PYY: variants seen among roughly 807,000 people sequenced by gnomAD.
PYY encodes the protein peptide YY.
PYY carries 12 observed loss-of-function variants against 10.3 expected under a neutral mutation model. The ratio of observed to expected loss-of-function variants is 1.17; its 90% CI spans 0.75 to 1.89. PYY has a LOEUF of 1.89. PYY is among the 40% of genes most tolerant of loss of function. The pLI is 0.00. For missense variants in PYY, 141 were observed against 134.0 expected (o/e 1.05, Z -0.26); for synonymous variants, 66 against 62.0 (o/e 1.06, Z -0.30).
rs886277442 is a variant in PYY, at chr17:43,990,883, TC to T, written c.-463+13507del. Among the ~76,000 whole-genome samples, 12 of 145,720 alleles carry T rather than the reference TC, an allele frequency of 8.2e-5. 1 individual carries two copies. The highest frequency in any genetic ancestry group is 2.4e-4 in the South Asian group (1 of 4,252). ...ATCTCGGCTCACTGCAAGCTTCGCC[TC>T]CCGGGTTCACGCCATTCTCCTGCCT... is the stretch of plus-strand genomic sequence containing the variant. On this transcript the variant is annotated intron_variant, in intron 1 of 6. Transcript: ENST00000360085.
At chr17:43,977,389 C>T (rs2048856187) in intron 1 of PYY, among the ~76,000 whole-genome samples, 1 of 152,094 alleles carries the variant, frequency 6.6e-6, no homozygotes, top group Non-Finnish European at 1.5e-5. Flanking sequence ...CCAGGGAGAA[C>T]AAGGCCCAAG....
intron 1 of PYY, among the ~76,000 whole-genome samples, chr17:43,993,329 G>A (rs2048970349): frequency 6.6e-6 from 1 of 152,054 alleles, no homozygotes. Context: ...GCGTGGTGGT[G>A]GTGTCTGTAG....
upstream of PYY, among the ~76,000 whole-genome samples, chr17:43,957,396 G>A (rs1239917392): frequency 6.6e-6 from 1 of 151,878 alleles, no homozygotes. Flanking sequence ...GGTGGCTCAC[G>A]CCTGTAATCC....
chr17:43,997,608 C>A lies in PYY; in HGVS notation c.-463+6783G>T, dbSNP rs148568699. ...ACTTTTACTCTCAGTGAGATGGAAG[C>A]CATGAGAGTTCAGAACAGAGGAATG... On this transcript the variant is annotated intron_variant, in intron 1 of 6. Coordinates refer to the PYY transcript ENST00000360085. Among the ~76,000 whole-genome samples the A allele has an allele frequency of 8.5e-4, 130 of 152,152 alleles. 2 individuals carry two copies. The highest frequency in any genetic ancestry group is 3.0e-3 in the African/African-American group (124 of 41,518).
chr17:43,972,594 T>C lies in PYY; in HGVS notation c.-462-6062A>G, dbSNP rs112064705. Among the ~76,000 whole-genome samples the C allele has an allele frequency of 5.6e-3, 845 of 152,040 alleles. 9 individuals carry two copies. Among genetic ancestry groups the C allele is most frequent in the African/African-American group, 0.02 (812 of 41,462 alleles). On this transcript the variant is annotated intron_variant, in intron 1 of 6. Coordinates refer to the PYY transcript ENST00000360085. ...CCGAGGCTGGAATGCAGTGGCACAG[T>C]CATAGCTCACTGTAACCTTGAACTC... is the stretch of plus-strand genomic sequence containing the variant.
chr17:44,003,984 C>A (rs2049051005), intron 1 of PYY, among the ~76,000 whole-genome samples: 2 of 151,968 alleles, frequency 1.3e-5, no homozygotes, highest in Non-Finnish European at 2.9e-5. Context: ...CAGAGTGAGA[C>A]CCTATCTCAA....
At chr17:43,958,744 C>A (rs147029805), upstream of PYY, among the ~76,000 whole-genome samples, 1,765 of 152,246 alleles carry the variant, frequency 0.012, 35 homozygotes, top group African/African-American at 0.04. Context: ...GTTTGCTGAC[C>A]CCTGGTCTAG....
chr17:43,963,568 GGA>G (rs2048727895), intron 2 of PYY, among the ~76,000 whole-genome samples: 12 of 82,606 alleles, frequency 1.5e-4, no homozygotes, highest in African/African-American at 6.2e-4. Flanking sequence ...AAGGAAGGAA[GGA>G]AAAGAAAGAA....
chr17:43,961,670 A>G (rs2143900705), intron 2 of PYY, among the ~76,000 whole-genome samples: 1 of 152,226 alleles, frequency 6.6e-6, no homozygotes. Flanking sequence ...CCTCCCGAGT[A>G]GCTGGGATTA....
At chr17:43,979,849 C>T (rs527700912) in intron 1 of PYY, among the ~76,000 whole-genome samples, 1 of 152,294 alleles carries the variant, frequency 6.6e-6, no homozygotes, top group East Asian at 1.9e-4. Flanking sequence ...CAGTGACACA[C>T]AGCTTCAATT....
intron 1 of PYY, among the ~76,000 whole-genome samples, chr17:43,973,571 A>G (rs1046344145): frequency 2.0e-5 from 3 of 152,196 alleles, no homozygotes; most frequent in Non-Finnish European, 4.4e-5. Flanking sequence ...AGGTGGGTGG[A>G]TCACCTGAAG....
At chr17:43,965,618 C>T (rs992150248) in intron 2 of PYY, among the ~76,000 whole-genome samples, 2 of 151,230 alleles carry the variant, frequency 1.3e-5, no homozygotes, top group East Asian at 3.9e-4. Flanking sequence ...GGTGAAACCC[C>T]GTCTGTACCC....
intron 1 of PYY, among the ~76,000 whole-genome samples, chr17:43,994,038 G>A (rs1278367118): frequency 2.0e-5 from 3 of 151,944 alleles, no homozygotes; most frequent in Non-Finnish European, 4.4e-5. Flanking sequence ...ATTATTTGTA[G>A]AGATGAGGTC....
chr17:43,976,221 A>G (rs1223350309), intron 1 of PYY, among the ~76,000 whole-genome samples: 1 of 141,892 alleles, frequency 7.0e-6, no homozygotes, highest in African/African-American at 2.8e-5. Flanking sequence ...GTATATGTAT[A>G]CATATATACA....
At chr17:43,981,055 G>A (rs2048880885) in intron 1 of PYY, among the ~76,000 whole-genome samples, 1 of 150,538 alleles carries the variant, frequency 6.6e-6, no homozygotes, top group South Asian at 2.1e-4. Context: ...GTACAGATAA[G>A]GTCTTGCTAT....
chr17:43,954,312 G>A (rs1313425447), upstream of PYY, among the ~76,000 whole-genome samples: 1 of 152,194 alleles, frequency 6.6e-6, no homozygotes, highest in African/African-American at 2.4e-5. Context: ...GGGAGTTGGG[G>A]GTGGGAGGGT....
intron 1 of PYY, among the ~76,000 whole-genome samples, chr17:43,991,535 G>A (rs2048956856): frequency 1.3e-5 from 2 of 152,202 alleles, no homozygotes; most frequent in African/African-American, 4.8e-5. Context: ...TGGCAGATGG[G>A]CTGTAGCAAA....
chr17:44,002,152 G>T (rs1358387727), intron 1 of PYY, among the ~76,000 whole-genome samples: 1 of 152,124 alleles, frequency 6.6e-6, no homozygotes, highest in Non-Finnish European at 1.5e-5. Context: ...AAAACTCAAT[G>T]AGGAGGTCCT....
chr17:43,984,058 C>T (rs1009745771), intron 1 of PYY, among the ~76,000 whole-genome samples: 3 of 152,236 alleles, frequency 2.0e-5, no homozygotes, highest in African/African-American at 7.2e-5. Flanking sequence ...GCCGGAGGCC[C>T]TTATCGCCCG....
Sources: allele counts gnomAD v4.1 joint callset (sites outside exome capture counted in the v4.1 genomes callset), GRCh38; gene constraint gnomAD v4.1.1; transcripts MANE v1.5; gene names NCBI Gene and HGNC (gene_info 2026-07-23, HGNC 2026-07-21).